SLC24A3: variants seen among roughly 807,000 people sequenced by gnomAD.
SLC24A3 encodes the protein sodium/potassium/calcium exchanger 3.
SLC24A3 carries 28 observed loss-of-function variants against 75.8 expected under a neutral mutation model. That is an observed-to-expected ratio of 0.37 (90% CI 0.27 to 0.51). The LOEUF (loss-of-function observed/expected upper bound fraction) is 0.51. SLC24A3 is among the 20% of genes least tolerant of loss of function. The pLI, the probability that SLC24A3 is intolerant of heterozygous loss-of-function variation, is 0.94. For synonymous variants in SLC24A3, 372 were observed against 334.1 expected (o/e 1.11, Z -1.24); for missense variants, 663 against 847.8 (o/e 0.78, Z 2.71).
intron 2 of SLC24A3, among the ~76,000 whole-genome samples, chr20:19,389,453 C>T (rs966018287): frequency 6.6e-6 from 1 of 151,912 alleles, no homozygotes. Context: ...GTCCTTATCT[C>T]TCCTTAATTT....
chr20:19,492,142 G>T (rs925198207), intron 2 of SLC24A3, among the ~76,000 whole-genome samples: 8 of 152,152 alleles, frequency 5.3e-5, no homozygotes, highest in African/African-American at 1.9e-4. Flanking sequence ...AGGAAACTTT[G>T]CAAGTATTTC....
chr20:19,603,359 T>C (rs2031553760), intron 6 of SLC24A3, among the ~76,000 whole-genome samples: 1 of 152,154 alleles, frequency 6.6e-6, no homozygotes, highest in African/African-American at 2.4e-5. Flanking sequence ...TTCAACTTTG[T>C]GTACCCTAAT....
At chr20:19,387,280 A>G (rs965178677) in intron 2 of SLC24A3, among the ~76,000 whole-genome samples, 2 of 151,304 alleles carry the variant, frequency 1.3e-5, no homozygotes, top group African/African-American at 4.8e-5. Flanking sequence ...CTTTTTGAAA[A>G]ACCAGCTTTT....
intron 2 of SLC24A3, among the ~76,000 whole-genome samples, chr20:19,379,795 A>G (rs558989752): frequency 1.3e-5 from 2 of 152,256 alleles, no homozygotes; most frequent in African/African-American, 2.4e-5. Flanking sequence ...AGCTTGTTTC[A>G]TCTATGGATT....
At position 19,438,637 on chromosome 20, in the gene SLC24A3, T is replaced by C. The variant is rs79530645; in HGVS notation, c.272-76851T>C. Among the ~76,000 whole-genome samples the C allele has an allele frequency of 1.9e-4, 29 of 151,216 alleles. No homozygotes were observed. The East Asian group carries it at 5.7e-3, about 30-fold the overall frequency. On this transcript the variant is annotated intron_variant, in intron 2 of 16. Coordinates refer to ENST00000328041, the MANE Select transcript of SLC24A3 (RefSeq NM_020689.4). Reference sequence around the variant, plus strand: ...GGCCTCCCCACCTGGCATTCCCACATGGTAGGTAGTGTAGACACCAAGCCA... The same window carrying C: ...GGCCTCCCCACCTGGCATTCCCACACGGTAGGTAGTGTAGACACCAAGCCA...
intron 2 of SLC24A3, among the ~76,000 whole-genome samples, chr20:19,306,986 A>G (rs190730504): frequency 1.3e-5 from 2 of 152,306 alleles, no homozygotes; most frequent in African/African-American, 4.8e-5. Flanking sequence ...TGGGTCTCCC[A>G]AGGACTTGAG....
intron 2 of SLC24A3, among the ~76,000 whole-genome samples, chr20:19,324,763 A>G (rs59842712): frequency 0.023 from 3,539 of 152,338 alleles, 63 homozygotes; most frequent in African/African-American, 0.041. Context: ...GTTTAACACA[A>G]TCTGAGATTT....
At chr20:19,657,983 T>C (rs889924775) in intron 7 of SLC24A3, among the ~76,000 whole-genome samples, 6 of 152,156 alleles carry the variant, frequency 3.9e-5, no homozygotes, top group Non-Finnish European at 7.3e-5. Flanking sequence ...ATTCAACTCT[T>C]CGGGTTTTTT....
chr20:19,594,157 G>A (rs772335462), intron 6 of SLC24A3, among the ~76,000 whole-genome samples: 4 of 152,192 alleles, frequency 2.6e-5, no homozygotes, highest in Non-Finnish European at 4.4e-5. Flanking sequence ...ACATTAGCAA[G>A]TCACAAAAGT....
At chr20:19,603,925 G>A (rs1431327777) in intron 6 of SLC24A3, among the ~76,000 whole-genome samples, 1 of 152,140 alleles carries the variant, frequency 6.6e-6, no homozygotes, top group Non-Finnish European at 1.5e-5. Context: ...TCATTCACGT[G>A]TCTCTGTAAG....
At chr20:19,603,422 G>A (rs2031554750) in intron 6 of SLC24A3, among the ~76,000 whole-genome samples, 2 of 152,198 alleles carry the variant, frequency 1.3e-5, no homozygotes, top group African/African-American at 4.8e-5. Flanking sequence ...GCTGGTGATG[G>A]ATGTTTCTGA....
chr20:19,433,640 A>G (rs980610879), intron 2 of SLC24A3, among the ~76,000 whole-genome samples: 9 of 152,232 alleles, frequency 5.9e-5, no homozygotes, highest in Admixed American at 5.9e-4. Flanking sequence ...TTGAAAAAAT[A>G]TAAAGTATTA....
At chr20:19,360,670 A>T (rs1318587469) in intron 2 of SLC24A3, among the ~76,000 whole-genome samples, 1 of 152,240 alleles carries the variant, frequency 6.6e-6, no homozygotes, top group Non-Finnish European at 1.5e-5. Flanking sequence ...ACAACATGCA[A>T]ATGTTTTGAT....
Position 19,685,295 on chromosome 20 carries a change from A to G in SLC24A3, c.1258A>G (p.Asn420Asp). ...AGAGAATGAAAATGAGGACAATGAG[A>G]ATGATGAGGAGGAAGAGGAGGACGA... The part of the protein sequence containing the change: ...ETENENEDNE[N>D]DEEEEEDEDD... The change falls in exon 12 of 17, where the codon AAT (asparagine) becomes GAT (aspartate). Residue 420 changes from asparagine (N) to aspartate (D), a missense_variant. Coordinates refer to ENST00000328041, the MANE Select transcript of SLC24A3 (RefSeq NM_020689.4). The G allele has an allele frequency of 3.1e-6, 5 of 1,614,042 alleles. No individual in the cohort carries two copies. The highest frequency in any genetic ancestry group is 4.2e-6 in the Non-Finnish European group (5 of 1,180,004).
chr20:19,628,950 C>T (rs1359697513), intron 6 of SLC24A3, among the ~76,000 whole-genome samples: 1 of 142,374 alleles, frequency 7.0e-6, no homozygotes, highest in Non-Finnish European at 1.6e-5. Context: ...AACAAAATAT[C>T]GTAAGACATA....
chr20:19,614,380 T>A (rs1346303564), intron 6 of SLC24A3, among the ~76,000 whole-genome samples: 1 of 152,244 alleles, frequency 6.6e-6, no homozygotes, highest in African/African-American at 2.4e-5. Context: ...GTTATTATGC[T>A]CTTGGACATG....
intron 1 of SLC24A3, among the ~76,000 whole-genome samples, chr20:19,249,271 T>C (rs1164693610): frequency 1.3e-5 from 2 of 152,182 alleles, no homozygotes; most frequent in Admixed American, 6.5e-5. Flanking sequence ...GTGGAGTGAG[T>C]ATCTTTCCTA....
chr20:19,400,752 TC>T (rs1986537514), intron 2 of SLC24A3, among the ~76,000 whole-genome samples: 1 of 152,210 alleles, frequency 6.6e-6, no homozygotes, highest in African/African-American at 2.4e-5. Flanking sequence ...TGCTGCAGCA[TC>T]TTGGAATCTC....
chr20:19,646,621 A>G (rs1430491120), intron 6 of SLC24A3, among the ~76,000 whole-genome samples: 1 of 152,170 alleles, frequency 6.6e-6, no homozygotes, highest in African/African-American at 2.4e-5. Flanking sequence ...GTCCTAATCC[A>G]GCTCCATGGC....
Sources: allele counts gnomAD v4.1 joint callset (sites outside exome capture counted in the v4.1 genomes callset), GRCh38; gene constraint gnomAD v4.1.1; transcripts MANE v1.5; gene names NCBI Gene and HGNC (gene_info 2026-07-23, HGNC 2026-07-21).